Variants in EPHA3 observed in about 807,000 individuals in gnomAD.
EPHA3 encodes ephrin type-A receptor 3.
Under a neutral mutation model 107.1 loss-of-function variants are expected in EPHA3, and 42 were observed. That is an observed-to-expected ratio of 0.39 (90% CI 0.31 to 0.51). The LOEUF (loss-of-function observed/expected upper bound fraction) is 0.51. Among genes scored for constraint, EPHA3 ranks in the 20% least tolerant of loss-of-function variants. The pLI is 0.78. For missense variants in EPHA3, 1,183 were observed against 1,211.2 expected, an observed-to-expected ratio of 0.98 and a Z score of 0.35; for synonymous variants, 461 against 424.8, an observed-to-expected ratio of 1.09 and a Z score of -1.05.
chr3:89,144,003 C>A (rs1704484783), intron 2 of EPHA3, among the ~76,000 whole-genome samples: 3 of 151,598 alleles, frequency 2.0e-5, no homozygotes, highest in African/African-American at 7.3e-5. Flanking sequence ...TTTACCCCCA[C>A]AGTTTCCTCC....
At chr3:89,163,771 A>T (rs1704999674) in intron 2 of EPHA3, among the ~76,000 whole-genome samples, 1 of 152,166 alleles carries the variant, frequency 6.6e-6, no homozygotes, top group African/African-American at 2.4e-5. Context: ...ACAAATCAGA[A>T]TTAATTGCCA....
At chr3:89,360,191 A>G (rs112715073) in intron 5 of EPHA3, among the ~76,000 whole-genome samples, 1 of 150,802 alleles carries the variant, frequency 6.6e-6, no homozygotes, top group African/African-American at 2.4e-5. Context: ...CTACAACATA[A>G]TGTGCTTAAA....
intron 1 of EPHA3, among the ~76,000 whole-genome samples, chr3:89,114,103 A>G (rs1707191552): frequency 6.6e-6 from 1 of 152,234 alleles, no homozygotes. Context: ...GAGGAAAGCA[A>G]GTGGCAGCAC....
At chr3:89,285,172 TTTTG>T (rs1392318104) in intron 3 of EPHA3, among the ~76,000 whole-genome samples, 15 of 152,112 alleles carry the variant, frequency 9.9e-5, no homozygotes, top group African/African-American at 3.4e-4. Context: ...TCACTCCTCT[TTTTG>T]TTTAATGGCT....
intron 2 of EPHA3, among the ~76,000 whole-genome samples, chr3:89,141,315 G>C (rs1042034057): frequency 6.6e-6 from 1 of 151,426 alleles, no homozygotes; most frequent in African/African-American, 2.4e-5. Flanking sequence ...GAGATCAGAC[G>C]GTCTACCAAA....
In EPHA3 at chr3:89,372,357, AC is replaced by A. The variant is rs1424756604; in HGVS notation, c.1307-23475del. Among the ~76,000 whole-genome samples, 4 of 151,582 alleles carry A rather than the reference AC, an allele frequency of 2.6e-5. No homozygotes were observed. The East Asian group carries it at 5.9e-4, about 22-fold the overall frequency. On this transcript the variant is annotated intron_variant, in intron 5 of 16. Transcript: ENST00000336596. ...AGACTATTGGTTACTTCTAGCAGCA[AC>A]CCCCTCACCCTCATACTTAGGTTCA...
intron 3 of EPHA3, among the ~76,000 whole-genome samples, chr3:89,254,431 C>G (rs1207964587): frequency 6.6e-6 from 1 of 152,084 alleles, no homozygotes; most frequent in Non-Finnish European, 1.5e-5. Flanking sequence ...CTAATAAATC[C>G]TGGAATTATT....
chr3:89,450,952 A>G (rs1358175711), intron 15 of EPHA3, among the ~76,000 whole-genome samples: 2 of 152,172 alleles, frequency 1.3e-5, no homozygotes, highest in African/African-American at 2.4e-5. Context: ...ACCCTTCATG[A>G]ATAAAGAAGT....
intron 2 of EPHA3, among the ~76,000 whole-genome samples, chr3:89,178,705 C>A (rs1705371285): frequency 6.6e-6 from 1 of 151,594 alleles, no homozygotes; most frequent in South Asian, 2.1e-4. Context: ...ATAATATTTT[C>A]AATACTGTTA....
At chr3:89,117,544 A>G (rs1209151652) in intron 1 of EPHA3, among the ~76,000 whole-genome samples, 1 of 152,092 alleles carries the variant, frequency 6.6e-6, no homozygotes, top group African/African-American at 2.4e-5. Flanking sequence ...TTATCTAACT[A>G]ATCCTCTGGG....
intron 2 of EPHA3, among the ~76,000 whole-genome samples, chr3:89,203,766 G>T (rs1387725928): frequency 1.3e-5 from 2 of 151,998 alleles, no homozygotes; most frequent in South Asian, 2.1e-4. Context: ...AACAGAGCGA[G>T]ACTCTGTCTC....
chr3:89,207,508 G>A (rs1706134721), intron 2 of EPHA3, among the ~76,000 whole-genome samples: 2 of 152,100 alleles, frequency 1.3e-5, no homozygotes, highest in South Asian at 4.1e-4. Context: ...TTAGGCAGTA[G>A]TATTTTTTAT....
chr3:89,135,629 A>T (rs1704294025), intron 2 of EPHA3, among the ~76,000 whole-genome samples: 1 of 151,746 alleles, frequency 6.6e-6, no homozygotes, highest in Non-Finnish European at 1.5e-5. Flanking sequence ...CAATTCTTAT[A>T]TATAAACGCA....
At chr3:89,144,509 G>A (rs1334331772) in intron 2 of EPHA3, among the ~76,000 whole-genome samples, 1 of 151,516 alleles carries the variant, frequency 6.6e-6, no homozygotes, top group Non-Finnish European at 1.5e-5. Flanking sequence ...TTTTCTTTTG[G>A]AATTATTAAT....
At chr3:89,477,297 A>T (rs1266642260) in intron 16 of EPHA3, among the ~76,000 whole-genome samples, 2 of 152,110 alleles carry the variant, frequency 1.3e-5, no homozygotes, top group Non-Finnish European at 2.9e-5. Flanking sequence ...GTATGATCAG[A>T]TAGGGCCTAA....
In EPHA3 at chr3:89,479,463, T is replaced by C. The variant is rs1710583572; in HGVS notation, c.2913T>C (p.Ala971=). The C allele has an allele frequency of 6.2e-7, 1 of 1,614,118 alleles. No homozygotes were observed. Among genetic ancestry groups the C allele is most frequent in the Non-Finnish European group, 8.5e-7 (1 of 1,180,014 alleles). ...AGAAGATCATCAGTAGCATTAAAGCTCTAGAAACGCAATCAAAGAATGGCC... is the reference window on the plus strand; with the variant it reads ...AGAAGATCATCAGTAGCATTAAAGCCCTAGAAACGCAATCAAAGAATGGCC... ...PQKKIISSIK[A]LETQSKNGPV... is the part of the protein sequence containing the mutation. The change falls in exon 17 of 17, where the codon GCT becomes GCC. Residue 971 remains alanine, a synonymous_variant. Transcript: ENST00000336596.
intron 3 of EPHA3, among the ~76,000 whole-genome samples, chr3:89,260,193 C>T (rs1705381981): frequency 1.3e-5 from 2 of 152,136 alleles, no homozygotes. Context: ...TTGGTATATA[C>T]CCAGAGGAGA....
At chr3:89,445,022 T>G (rs1443233756) in intron 13 of EPHA3, among the ~76,000 whole-genome samples, 1 of 152,092 alleles carries the variant, frequency 6.6e-6, no homozygotes, top group Non-Finnish European at 1.5e-5. Flanking sequence ...CACCAGCACT[T>G]TGGTAGGTGG....
At chr3:89,420,322 T>C (rs1350327623) in intron 11 of EPHA3, among the ~76,000 whole-genome samples, 1 of 151,476 alleles carries the variant, frequency 6.6e-6, no homozygotes, top group Non-Finnish European at 1.5e-5. Flanking sequence ...ATTTTCCAAA[T>C]GGCACTAATA....
Sources: gnomAD v4.1 joint callset for allele counts (sites outside exome capture counted in the v4.1 genomes callset) on GRCh38, gnomAD v4.1.1 for gene constraint, MANE v1.5 for transcripts, NCBI Gene and HGNC (gene_info 2026-07-23, HGNC 2026-07-21) for gene names.